Variants in MSH3 observed in about 807,000 individuals in gnomAD.
The protein encoded by MSH3 is mutS homolog 3.
MSH3 carries 106 observed loss-of-function variants against 123.3 expected under a neutral mutation model. The ratio of observed to expected loss-of-function variants is 0.86; its 90% CI spans 0.73 to 1.01. The LOEUF (loss-of-function observed/expected upper bound fraction) is 1.01, where lower values mean the gene tolerates loss of function less well. Ranked by LOEUF, MSH3 falls within the 50% of genes least tolerant of loss-of-function variation. MSH3 has a pLI of 0.00. For missense variants in MSH3, 1,459 were observed against 1,347.6 expected, an observed-to-expected ratio of 1.08 and a Z score of -1.29; for synonymous variants, 515 against 481.4, an observed-to-expected ratio of 1.07 and a Z score of -0.91.
At chr5:80,748,691 TACACACACACACACAC>T (rs36206914) in intron 12 of MSH3, among the ~76,000 whole-genome samples, 412 of 147,440 alleles carry the variant, frequency 2.8e-3, no homozygotes, top group East Asian at 8.2e-3. Context: ...ATTTTTTATT[TACACACACACACACAC>T]ACACACACAC....
chr5:80,775,611 A>G (rs1744283693), intron 15 of MSH3, 83 bp from the exon 16 acceptor site: 2 of 801,770 alleles, frequency 2.5e-6, no homozygotes, highest in South Asian at 1.5e-5. Context: ...TATATAATAA[A>G]TTGTTATACC....
chr5:80,657,184 T>C (rs941348412), intron 2 of MSH3, among the ~76,000 whole-genome samples: 3 of 152,162 alleles, frequency 2.0e-5, no homozygotes, highest in African/African-American at 7.2e-5. Context: ...CTCACACCTG[T>C]AATCTCAGCA....
intron 20 of MSH3, among the ~76,000 whole-genome samples, chr5:80,820,633 GA>G (rs758507972): frequency 2.0e-4 from 30 of 152,184 alleles, no homozygotes; most frequent in Non-Finnish European, 3.5e-4. Flanking sequence ...GAATCTGAAG[GA>G]AACATCCCCT....
chr5:80,857,628 G>A (rs2112110546), intron 21 of MSH3, among the ~76,000 whole-genome samples: 1 of 152,222 alleles, frequency 6.6e-6, no homozygotes, highest in South Asian at 2.1e-4. Flanking sequence ...TGTCTTTTAA[G>A]GAATTGTTTT....
chr5:80,782,255 A>G (rs1744423537), intron 17 of MSH3, among the ~76,000 whole-genome samples: 1 of 152,174 alleles, frequency 6.6e-6, no homozygotes. Context: ...TTGGCTCTTG[A>G]TATCTGTGGG....
intron 8 of MSH3, among the ~76,000 whole-genome samples, chr5:80,704,414 G>A (rs1442036957): frequency 1.3e-5 from 2 of 152,200 alleles, no homozygotes; most frequent in Non-Finnish European, 2.9e-5. Context: ...CCTCAAAAGT[G>A]GAATGCATTT....
At chr5:80,775,613 T>G in intron 15 of MSH3, 81 bp from the exon 16 acceptor site, 1 of 809,380 alleles carries the variant, frequency 1.2e-6, no homozygotes, top group Non-Finnish European at 2.1e-6. Context: ...TATAATAAAT[T>G]GTTATACCAC....
chr5:80,870,771 G>A (rs1746198571), intron 22 of MSH3, among the ~76,000 whole-genome samples: 3 of 152,060 alleles, frequency 2.0e-5, no homozygotes, highest in Admixed American at 2.0e-4. Context: ...TCAGTCTTTG[G>A]CTTTTTAAAT....
intron 8 of MSH3, among the ~76,000 whole-genome samples, chr5:80,708,386 A>G (rs77351168): frequency 6.6e-6 from 1 of 152,202 alleles, no homozygotes; most frequent in East Asian, 1.9e-4. Context: ...TGTTTATAGA[A>G]AAGACTTTTA....
chr5:80,825,624 A>G (rs1745279547), intron 20 of MSH3, among the ~76,000 whole-genome samples: 1 of 152,164 alleles, frequency 6.6e-6, no homozygotes, highest in Non-Finnish European at 1.5e-5. Context: ...TTGGATTGTA[A>G]GGAACATGTG....
intron 2 of MSH3, among the ~76,000 whole-genome samples, chr5:80,661,244 TC>T (rs1472745649): frequency 1.3e-5 from 2 of 152,198 alleles, no homozygotes; most frequent in East Asian, 3.8e-4. Flanking sequence ...TTTTCTGTCT[TC>T]CTGTCTCTTG....
intron 8 of MSH3, among the ~76,000 whole-genome samples, chr5:80,717,750 A>G (rs1206998149): frequency 1.3e-5 from 2 of 152,064 alleles, no homozygotes; most frequent in East Asian, 1.9e-4. Flanking sequence ...TATTTTCCTG[A>G]TGATTAATGA....
chr5:80,851,504 C>G (rs752182666), intron 20 of MSH3, among the ~76,000 whole-genome samples: 13 of 152,044 alleles, frequency 8.6e-5, no homozygotes, highest in Non-Finnish European at 1.6e-4. Context: ...TTTCTGTTCA[C>G]CATTTTGTTT....
At position 80,802,859 on chromosome 5, in the gene MSH3, A is replaced by G. The variant is rs113476702; in HGVS notation, c.2655+10015A>G. 4.4e-3 allele frequency among the ~76,000 whole-genome samples: 674 copies of G among 152,302 alleles called. 2 individuals carry two copies. Among genetic ancestry groups the G allele is most frequent in the African/African-American group, 0.015 (635 of 41,570 alleles). ...TTGTGGCTGGCTTATTTCACTTAACATAATATCCTCCAGTTCCATCCATGT... is the reference window on the plus strand; with the variant it reads ...TTGTGGCTGGCTTATTTCACTTAACGTAATATCCTCCAGTTCCATCCATGT... On this transcript the variant is annotated intron_variant, in intron 19 of 23. Coordinates refer to ENST00000265081, the MANE Select transcript of MSH3 (RefSeq NM_002439.5).
At chr5:80,804,525 A>G (rs1288783462) in intron 19 of MSH3, among the ~76,000 whole-genome samples, 1 of 152,272 alleles carries the variant, frequency 6.6e-6, no homozygotes, top group Non-Finnish European at 1.5e-5. Flanking sequence ...TAGCTCTTGT[A>G]GACTCTTTGA....
At chr5:80,741,943 T>C (rs201229942) in intron 11 of MSH3, among the ~76,000 whole-genome samples, 1 of 151,972 alleles carries the variant, frequency 6.6e-6, no homozygotes, top group Non-Finnish European at 1.5e-5. Context: ...ATTCAGGTTA[T>C]AGGTTTCTGG....
At chr5:80,718,937 C>CT (rs1561454527) in intron 8 of MSH3, among the ~76,000 whole-genome samples, 3 of 152,038 alleles carry the variant, frequency 2.0e-5, no homozygotes, top group African/African-American at 7.2e-5. Context: ...TCTTTAGTAG[C>CT]TTTTTTGTGT....
At chr5:80,868,468 G>A (rs1388919801) in intron 22 of MSH3, among the ~76,000 whole-genome samples, 2 of 151,090 alleles carry the variant, frequency 1.3e-5, no homozygotes, top group African/African-American at 2.4e-5. Flanking sequence ...TCCTTTGCCG[G>A]AATATGGATG....
chr5:80,875,633 C>G, intron 23 of MSH3, 118 bp from the exon 24 acceptor site: 1 of 656,892 alleles, frequency 1.5e-6, no homozygotes, highest in East Asian at 2.7e-5. Context: ...GACACAGCTT[C>G]CTAACTATAG....
Sources: gnomAD v4.1 joint callset for allele counts (sites outside exome capture counted in the v4.1 genomes callset) on GRCh38, gnomAD v4.1.1 for gene constraint, MANE v1.5 for transcripts, NCBI Gene and HGNC (gene_info 2026-07-23, HGNC 2026-07-21) for gene names.